Variants in MUSK observed in about 807,000 individuals in gnomAD.
MUSK encodes muscle associated receptor tyrosine kinase.
A neutral mutation model predicts 88.7 loss-of-function variants in MUSK; 55 were observed. That is an observed-to-expected ratio of 0.62 (90% CI 0.50 to 0.78). The LOEUF (loss-of-function observed/expected upper bound fraction) is 0.78. Ranked by LOEUF, MUSK falls within the 30% of genes least tolerant of loss-of-function variation. MUSK has a pLI of 0.00. For synonymous variants in MUSK, 387 were observed against 391.9 expected (o/e 0.99, Z 0.15); for missense variants, 1,015 against 1,074.3 (o/e 0.94, Z 0.77).
chr9:110,669,656 C>T (rs1370118068), intron 1 of MUSK, among the ~76,000 whole-genome samples: 2 of 152,092 alleles, frequency 1.3e-5, no homozygotes, highest in African/African-American at 4.8e-5. Context: ...AAGAAACTGA[C>T]AAACACCTGT....
intron 5 of MUSK, among the ~76,000 whole-genome samples, chr9:110,717,962 T>C (rs2076765649): frequency 6.6e-6 from 1 of 152,168 alleles, no homozygotes; most frequent in Admixed American, 6.6e-5. Flanking sequence ...TAAACGATTA[T>C]CACTTCATAG....
chr9:110,689,981 A>ATG (rs1564218733), intron 3 of MUSK, among the ~76,000 whole-genome samples: 3 of 72,414 alleles, frequency 4.1e-5, no homozygotes, highest in Admixed American at 2.3e-4. Flanking sequence ...TTATATTATA[A>ATG]ATATTATAAT....
intron 13 of MUSK, among the ~76,000 whole-genome samples, chr9:110,786,733 C>T (rs1355369809): frequency 1.3e-5 from 2 of 152,008 alleles, no homozygotes; most frequent in Non-Finnish European, 2.9e-5. Flanking sequence ...GTATTAGGGC[C>T]AATATTAGCC....
chr9:110,680,405 A>G (rs2076092958), intron 1 of MUSK, among the ~76,000 whole-genome samples: 1 of 142,886 alleles, frequency 7.0e-6, no homozygotes, highest in African/African-American at 2.6e-5. Flanking sequence ...TTCTTCTGAG[A>G]CAGAGTCTCC....
Position 110,694,534 on chromosome 9 carries a change from C to CT in MUSK, c.359-866dup, listed in dbSNP as rs764521550. Among the ~76,000 whole-genome samples the CT allele has an allele frequency of 7.3e-4, 111 of 152,164 alleles. 2 individuals are homozygous for CT. In the Middle Eastern group the frequency reaches 0.01, roughly 14 times the overall value. On this transcript the variant is annotated intron_variant, in intron 3 of 14. Coordinates refer to ENST00000374448, the MANE Select transcript of MUSK (RefSeq NM_005592.4). ...AACAAAGTCCATATTTCATGCGTTC[C>CT]TTTGTCAAAATAACAAATTGGTTAC...
chr9:110,735,156 C>T (rs1278986503), intron 6 of MUSK, among the ~76,000 whole-genome samples: 1 of 152,028 alleles, frequency 6.6e-6, no homozygotes, highest in Admixed American at 6.6e-5. Context: ...ATGGCGGTTA[C>T]TCAAAAAGCT....
chr9:110,749,586 TA>T (rs1304412096), intron 7 of MUSK, among the ~76,000 whole-genome samples: 1 of 152,158 alleles, frequency 6.6e-6, no homozygotes, highest in Non-Finnish European at 1.5e-5. Context: ...TTAGAAGAAA[TA>T]AGTGCAATAG....
intron 7 of MUSK, among the ~76,000 whole-genome samples, chr9:110,750,686 T>C (rs990242666): frequency 8.5e-5 from 13 of 152,292 alleles, no homozygotes; most frequent in African/African-American, 2.6e-4. Context: ...CAGGAGAGAT[T>C]TGGGCTTGCT....
intron 6 of MUSK, among the ~76,000 whole-genome samples, chr9:110,738,684 G>A (rs190104455): frequency 6.6e-6 from 1 of 152,256 alleles, no homozygotes; most frequent in African/African-American, 2.4e-5. Flanking sequence ...CCCAGAAGGG[G>A]TGGGTGGGAG....
intron 1 of MUSK, among the ~76,000 whole-genome samples, chr9:110,678,653 A>G (rs10980517): frequency 0.49 from 74,004 of 151,790 alleles, 18,352 homozygotes; most frequent in African/African-American, 0.54. Flanking sequence ...TTAGATTTTC[A>G]TCTTTAAATA....
chr9:110,760,811 C>G (rs2186801), intron 7 of MUSK, among the ~76,000 whole-genome samples: 103,945 of 151,958 alleles, frequency 0.68, 37,330 homozygotes, highest in Non-Finnish European at 0.8. Flanking sequence ...TAAAAACCTT[C>G]TAGTTACCAA....
intron 13 of MUSK, among the ~76,000 whole-genome samples, chr9:110,787,361 CAAAAAA>C (rs10659550): frequency 1.1e-5 from 1 of 91,434 alleles, no homozygotes; most frequent in Non-Finnish European, 2.1e-5. Context: ...GACTCTGTCT[CAAAAAA>C]AAAAAAAAAA....
chr9:110,737,169 C>T (rs2077040437), intron 6 of MUSK, among the ~76,000 whole-genome samples: 1 of 151,686 alleles, frequency 6.6e-6, no homozygotes. Context: ...GTAGCTTTGT[C>T]TGAATAACCT....
intron 8 of MUSK, among the ~76,000 whole-genome samples, chr9:110,762,416 C>T (rs1403625835): frequency 6.6e-6 from 1 of 152,018 alleles, no homozygotes; most frequent in Admixed American, 6.6e-5. Context: ...ATTTCTAATC[C>T]TTTTAGTAAG....
chr9:110,737,482 T>A (rs540021929), intron 6 of MUSK, among the ~76,000 whole-genome samples: 1 of 152,194 alleles, frequency 6.6e-6, no homozygotes, highest in East Asian at 1.9e-4. Context: ...ATTTTTTAAT[T>A]GTGTTGTTTC....
In MUSK at chr9:110,805,471, T is replaced by C. The variant is rs1588057691; in HGVS notation, c.*4483T>C. Among the ~76,000 whole-genome samples, 1 of 151,968 alleles carries C rather than the reference T, an allele frequency of 6.6e-6. No individual in the cohort carries two copies. The stretch of plus-strand genomic sequence containing the variant: ...TGTTTAATGTTTTGAGGATACTTGA[T>C]TGGTGATTTGCCTCCTACTATTATT... On this transcript the variant is annotated 3_prime_UTR_variant, in exon 15 of 15. Coordinates refer to ENST00000374448, the MANE Select transcript of MUSK (RefSeq NM_005592.4).
intron 14 of MUSK, among the ~76,000 whole-genome samples, chr9:110,799,680 A>G (rs1483508553): frequency 6.6e-6 from 1 of 152,200 alleles, no homozygotes; most frequent in Non-Finnish European, 1.5e-5. Flanking sequence ...GGGAATTTTT[A>G]AAGAAGAATA....
At chr9:110,799,001 G>A (rs1333166461) in intron 14 of MUSK, among the ~76,000 whole-genome samples, 1 of 151,952 alleles carries the variant, frequency 6.6e-6, no homozygotes, top group African/African-American at 2.4e-5. Context: ...AACTCAACCA[G>A]CATAACAATG....
chr9:110,800,251 T>C, intron 14 of MUSK, 55 bp from the exon 15 acceptor site: 1 of 1,503,570 alleles, frequency 6.7e-7, no homozygotes, highest in East Asian at 2.3e-5. Context: ...GGAGTGCTCT[T>C]TCCATTGTTT....
Sources: allele counts gnomAD v4.1 joint callset (sites outside exome capture counted in the v4.1 genomes callset), GRCh38; gene constraint gnomAD v4.1.1; transcripts MANE v1.5; gene names NCBI Gene and HGNC (gene_info 2026-07-23, HGNC 2026-07-21).